CTDP1: variants seen among roughly 807,000 people sequenced by gnomAD.
The protein encoded by CTDP1 is RNA polymerase II subunit A C-terminal domain phosphatase.
CTDP1 carries 47 observed loss-of-function variants against 91.8 expected under a neutral mutation model. The observed-to-expected ratio is 0.51, with a 90% CI of 0.41 to 0.65. The LOEUF (loss-of-function observed/expected upper bound fraction) is 0.65, where lower values mean the gene tolerates loss of function less well. Among genes scored for constraint, CTDP1 ranks in the 30% least tolerant of loss-of-function variants. The probability of loss-of-function intolerance (pLI) is 0.00; values close to 1 mark genes in which losing one functional copy is unlikely to be tolerated. For synonymous variants in CTDP1, 656 were observed against 598.5 expected (o/e 1.10, Z -1.40); for missense variants, 1,272 against 1,373.7 (o/e 0.93, Z 1.17).
chr18:79,730,366 A>G (rs1263616421), intron 11 of CTDP1, among the ~76,000 whole-genome samples: 1 of 152,158 alleles, frequency 6.6e-6, no homozygotes, highest in Non-Finnish European at 1.5e-5. Context: ...AGCTGCTGAC[A>G]CGTCCCGTCT....
chr18:79,705,418 A>G (rs1345263535), intron 5 of CTDP1, among the ~76,000 whole-genome samples: 1 of 152,198 alleles, frequency 6.6e-6, no homozygotes, highest in Non-Finnish European at 1.5e-5. Flanking sequence ...TCGAGGGGAC[A>G]GTGCCACGGG....
Position 79,715,278 on chromosome 18 carries a change from C to T in CTDP1, c.1818C>T (p.Ala606=), listed in dbSNP as rs762033206. The T allele has an allele frequency of 6.2e-7, 1 of 1,610,508 alleles. No homozygotes were observed. ...ILVRVHTDYY[A]KYDRYLNKEI... is the part of the protein sequence containing the mutation. ...TCCGTGTACACACTGACTACTATGCCAAGTATGACCGCTACCTCAACAAGG... is the reference window on the plus strand; with the variant it reads ...TCCGTGTACACACTGACTACTATGCTAAGTATGACCGCTACCTCAACAAGG... Residue 606 remains alanine (A), a synonymous_variant, in exon 8 of 13, where the codon GCC becomes GCT. Transcript: ENST00000613122.
intron 11 of CTDP1, among the ~76,000 whole-genome samples, chr18:79,735,286 C>G (rs1445887111): frequency 6.6e-6 from 1 of 152,210 alleles, no homozygotes; most frequent in African/African-American, 2.4e-5. Context: ...TGTGCACCCC[C>G]AGATCCCTCC....
intron 8 of CTDP1, among the ~76,000 whole-genome samples, chr18:79,715,835 G>A (rs1383025262): frequency 1.3e-5 from 2 of 152,210 alleles, no homozygotes; most frequent in Non-Finnish European, 2.9e-5. Flanking sequence ...TAGGGACGTA[G>A]TGGAGAAATT....
At chr18:79,679,787 T>C (rs2085314414), upstream of CTDP1, 2 of 633,454 alleles carry the variant, frequency 3.2e-6, no homozygotes, top group Admixed American at 3.2e-5. Flanking sequence ...TTGCGTGACG[T>C]CACGCGCCCT....
At chr18:79,690,637 A>G (rs671424) in intron 1 of CTDP1, among the ~76,000 whole-genome samples, 96,749 of 152,092 alleles carry the variant, frequency 0.64, 31,015 homozygotes, top group Middle Eastern at 0.71. Flanking sequence ...AAGAAAAGAC[A>G]TTGCTCTCTG....
chr18:79,743,758 G>A (rs370056264), intron 12 of CTDP1, among the ~76,000 whole-genome samples: 69 of 152,324 alleles, frequency 4.5e-4, no homozygotes, highest in South Asian at 2.7e-3. Flanking sequence ...CTGATCAAGC[G>A]AGATATACGT....
At chr18:79,720,316 T>TG (rs2122677412) in intron 10 of CTDP1, among the ~76,000 whole-genome samples, 1 of 11,012 alleles carries the variant, frequency 9.1e-5, no homozygotes, top group South Asian at 3.1e-3. Flanking sequence ...GTCCTGGTGA[T>TG]GCTGTCACCT....
chr18:79,725,378 C>T (rs985051969), intron 10 of CTDP1, among the ~76,000 whole-genome samples: 5 of 152,132 alleles, frequency 3.3e-5, no homozygotes, highest in African/African-American at 7.2e-5. Flanking sequence ...CCAGTGAGAC[C>T]GTCTGGTCCT....
chr18:79,723,919 C>T (rs976029305), intron 10 of CTDP1, among the ~76,000 whole-genome samples: 3 of 152,222 alleles, frequency 2.0e-5, no homozygotes, highest in Admixed American at 2.0e-4. Context: ...ACCTCCGTGC[C>T]CCTCATTCAT....
chr18:79,701,198 C>A (rs1014313575), intron 4 of CTDP1, among the ~76,000 whole-genome samples: 4 of 152,140 alleles, frequency 2.6e-5, no homozygotes, highest in African/African-American at 7.2e-5. Context: ...TTTCCAGCTT[C>A]AAGTCTTATT....
intron 10 of CTDP1, among the ~76,000 whole-genome samples, chr18:79,719,868 C>G (rs1309524078): frequency 6.8e-6 from 1 of 148,034 alleles, no homozygotes; most frequent in Non-Finnish European, 1.5e-5. Context: ...ATGCTGTCAC[C>G]TCCCATTAGG....
At chr18:79,698,094 G>T in intron 4 of CTDP1, 106 bp downstream of exon 4, 1 of 1,505,690 alleles carries the variant, frequency 6.6e-7, no homozygotes. Context: ...CCGTAGGTCA[G>T]CCTGGGTTTG....
intron 8 of CTDP1, 22 bp from the exon 9 acceptor site, chr18:79,717,511 CTG>C: frequency 1.2e-6 from 2 of 1,611,314 alleles, no homozygotes; most frequent in East Asian, 4.5e-5. Context: ...CCGGAACAGC[CTG>C]ACGCAGCCGG....
intron 2 of CTDP1, 151 bp from the exon 3 acceptor site, chr18:79,695,826 G>A: frequency 1.4e-6 from 1 of 721,348 alleles, no homozygotes; most frequent in South Asian, 1.5e-5. Flanking sequence ...TGTGGAGAAT[G>A]TTTCCACGTT....
At chr18:79,693,894 C>T (rs938108629) in intron 1 of CTDP1, among the ~76,000 whole-genome samples, 3 of 146,800 alleles carry the variant, frequency 2.0e-5, no homozygotes, top group Non-Finnish European at 4.4e-5. Context: ...CGCCCCTCCG[C>T]TCCCCTGCAG....
chr18:79,704,404 G>A (rs545671411), intron 4 of CTDP1, among the ~76,000 whole-genome samples: 2 of 152,182 alleles, frequency 1.3e-5, no homozygotes, highest in East Asian at 3.9e-4. Context: ...ACGTGGAGGG[G>A]CGTGTACACA....
rs2086137271 is a variant in CTDP1, at chr18:79,713,977, AGGG to A, written c.1031-512_1031-510del. Among the ~76,000 whole-genome samples the A allele has an allele frequency of 1.1e-5, 1 of 91,148 alleles. No homozygotes were observed. Among genetic ancestry groups the A allele is most frequent in the East Asian group, 2.8e-4 (1 of 3,590 alleles). The allele number at this position is 91,148 out of a possible 152,430, so 59.8% of individuals were successfully genotyped here. A position where few individuals can be genotyped will look rare whatever the true frequency, so the allele number is the denominator to read the frequency against. The stretch of plus-strand genomic sequence containing the variant: ...ACGGCCACGGTGGCGCCAGGTCTGC[AGGG>A]GCTTACGGCCACGGTGGTGCCAGGT... On this transcript the variant is annotated intron_variant, in intron 7 of 12. Transcript: ENST00000613122. The surrounding 1 kb of genome is among the most constrained non-coding windows in gnomAD (Gnocchi z 4.7).
At chr18:79,748,603 C>T (rs1163883087) in intron 12 of CTDP1, among the ~76,000 whole-genome samples, 1 of 152,316 alleles carries the variant, frequency 6.6e-6, no homozygotes, top group African/African-American at 2.4e-5. Flanking sequence ...GGCGCCTGCC[C>T]GCAGGTTTCT....
Sources: allele counts gnomAD v4.1 joint callset (sites outside exome capture counted in the v4.1 genomes callset), GRCh38; gene constraint gnomAD v4.1.1; non-coding constraint Gnocchi (gnomAD v3.1); transcripts MANE v1.5; gene names NCBI Gene and HGNC (gene_info 2026-07-23, HGNC 2026-07-21).